ATP13A5: variants seen among roughly 807,000 people sequenced by gnomAD.
ATP13A5 encodes probable cation-transporting ATPase 13A5.
In ATP13A5, 149 loss-of-function variants were observed where a neutral mutation model predicts 150.2. The ratio of observed to expected loss-of-function variants is 0.99; its 90% CI spans 0.87 to 1.14. The LOEUF is 1.14. Among genes scored for constraint, ATP13A5 ranks in the 50% most tolerant of loss-of-function variants. ATP13A5 has a pLI of 0.00. For synonymous variants in ATP13A5, 497 were observed against 522.2 expected, an observed-to-expected ratio of 0.95 and a Z score of 0.66; for missense variants, 1,383 against 1,449.3, an observed-to-expected ratio of 0.95 and a Z score of 0.74.
intron 24 of ATP13A5, 94 bp from the exon 25 acceptor site, chr3:193,299,297 C>T: frequency 1.1e-6 from 1 of 928,626 alleles, no homozygotes; most frequent in Non-Finnish European, 1.6e-6. Context: ...TAGGAGGCAG[C>T]TGTTACTTTT....
intron 23 of ATP13A5, among the ~76,000 whole-genome samples, chr3:193,303,877 CAT>C (rs1170266209): frequency 6.6e-6 from 1 of 150,848 alleles, no homozygotes; most frequent in Non-Finnish European, 1.5e-5. Flanking sequence ...ATATATGTAA[CAT>C]GTTACACATA....
At position 193,362,380 on chromosome 3, in the gene ATP13A5, C is replaced by T. The variant is rs914983883; in HGVS notation, c.536+1G>A. 6.2e-7 allele frequency: 1 copy of T among 1,613,566 alleles called. No homozygotes were observed. The highest frequency in any genetic ancestry group is 8.5e-7 in the Non-Finnish European group (1 of 1,179,558). On this transcript the variant is annotated splice_donor_variant, in intron 5 of 29. Coordinates refer to ENST00000342358, the MANE Select transcript of ATP13A5 (RefSeq NM_198505.4). LOFTEE classifies it high-confidence loss of function. ...CTCTTAAGGCATATAATAAGTCCTA[C>T]CTGACCTCTTGCTCTTCACTGGTCA...
Position 193,364,103 on chromosome 3 carries a change from G to A in ATP13A5, c.237+4C>T, listed in dbSNP as rs1284968525. On this transcript the variant is annotated splice_donor_region_variant and intron_variant, in intron 2 of 29. Transcript: ENST00000342358. The stretch of plus-strand genomic sequence containing the variant: ...TTCAAAATAGAAAACAGAAAGGCAC[G>A]CACTGTTGTCCTCAGCAAAACAGTG... 15 of 1,613,534 alleles carry A rather than the reference G, an allele frequency of 9.3e-6. No individual in the cohort carries two copies. Among genetic ancestry groups the A allele is most frequent in the Middle Eastern group, 1.6e-4 (1 of 6,074 alleles).
intron 9 of ATP13A5, among the ~76,000 whole-genome samples, chr3:193,343,109 C>T (rs920226995): frequency 6.6e-6 from 1 of 152,018 alleles, no homozygotes; most frequent in African/African-American, 2.4e-5. Flanking sequence ...ATGAACTCTC[C>T]CTACATTTAG....
chr3:193,290,255 T>C (rs187171313), intron 25 of ATP13A5, among the ~76,000 whole-genome samples, 196 bp from the exon 26 acceptor site: 58 of 152,254 alleles, frequency 3.8e-4, no homozygotes, highest in African/African-American at 1.2e-3. Context: ...CCATGCTCTG[T>C]CTTCACCTTC....
intron 20 of ATP13A5, among the ~76,000 whole-genome samples, chr3:193,311,354 C>T (rs929676974): frequency 1.3e-5 from 2 of 152,182 alleles, no homozygotes; most frequent in African/African-American, 4.8e-5. Flanking sequence ...TATTTTAAAA[C>T]AGGACACACA....
rs183697622 is a variant in ATP13A5, at chr3:193,338,780, T to C, written c.944-3681A>G. On this transcript the variant is annotated intron_variant, in intron 9 of 29. Transcript: ENST00000342358. ...AGTTAGGGAGGATTCCCTCTTTTTC[T>C]AGTGATTGGAATTGTTTCAGAAGGA... Among the ~76,000 whole-genome samples, 1,154 of 152,310 alleles carry C rather than the reference T, an allele frequency of 7.6e-3. 13 individuals are homozygous for C. Among genetic ancestry groups the C allele is most frequent in the African/African-American group, 0.026 (1,083 of 41,554 alleles).
chr3:193,307,375 G>A lies in ATP13A5; in HGVS notation c.2526-6C>T, dbSNP rs1192483789. On this transcript the variant is annotated splice_region_variant and splice_polypyrimidine_tract_variant and intron_variant, in intron 21 of 29. Transcript: ENST00000342358. ...CACACATGCCCACATAATAACTGCGGGAGACAGGAGAAGAAGGATTAATAG... is the reference window on the plus strand; with the variant it reads ...CACACATGCCCACATAATAACTGCGAGAGACAGGAGAAGAAGGATTAATAG... 1.9e-6 allele frequency: 3 copies of A among 1,613,622 alleles called. No homozygotes were observed. The Admixed American group carries it at 5.0e-5, about 27-fold the overall frequency.
chr3:193,327,857 A>G (rs1461702226), intron 12 of ATP13A5, among the ~76,000 whole-genome samples: 1 of 152,230 alleles, frequency 6.6e-6, no homozygotes, highest in Non-Finnish European at 1.5e-5. Flanking sequence ...GGCTACAGCT[A>G]GCTGCTTCAG....
chr3:193,347,292 A>G (rs1712376993), intron 7 of ATP13A5, among the ~76,000 whole-genome samples: 1 of 151,758 alleles, frequency 6.6e-6, no homozygotes, highest in Non-Finnish European at 1.5e-5. Flanking sequence ...TAATTTTTTT[A>G]ATTCTCAAAA....
intron 5 of ATP13A5, among the ~76,000 whole-genome samples, chr3:193,357,756 C>G (rs1268147548): frequency 6.6e-6 from 1 of 152,174 alleles, no homozygotes; most frequent in African/African-American, 2.4e-5. Context: ...GATGGTCCCT[C>G]TCCAGAAGTT....
intron 21 of ATP13A5, 25 bp from the exon 22 acceptor site, chr3:193,307,394 T>C: frequency 1.9e-6 from 3 of 1,612,920 alleles, no homozygotes; most frequent in Non-Finnish European, 1.7e-6. Flanking sequence ...AGAAGAAGGA[T>C]TAATAGGTAA....
At position 193,275,147 on chromosome 3, in the gene ATP13A5, A is replaced by AT. The variant is rs755360798; in HGVS notation, c.3551dup (p.Asn1184LysfsTer10). ...CATAGCCTCCGTTGATGTAGAATCC[A>AT]TTTTTGCCATCACCTGAATAATCTG... On this transcript the variant is annotated frameshift_variant, in exon 30 of 30. Transcript: ENST00000342358. LOFTEE classifies it low-confidence loss of function (END_TRUNC). The AT allele has an allele frequency of 6.2e-7, 1 of 1,614,118 alleles. No individual in the cohort carries two copies. Among genetic ancestry groups the AT allele is most frequent in the Non-Finnish European group, 8.5e-7 (1 of 1,180,016 alleles).
intron 24 of ATP13A5, among the ~76,000 whole-genome samples, chr3:193,299,823 ATATCTCTTG>A (rs1718332704): frequency 6.6e-6 from 1 of 152,188 alleles, no homozygotes; most frequent in African/African-American, 2.4e-5. Context: ...TTGCCTTGCA[ATATCTCTTG>A]CAGCCAGGTC....
rs948039157 is a variant in ATP13A5 at position 193,315,175 on chromosome 3, T to C, written c.2034-79A>G. 7 of 1,405,262 alleles carry C rather than the reference T, an allele frequency of 5.0e-6. 1 individual carries two copies. The Admixed American group carries it at 1.6e-4, about 31-fold the overall frequency. 87.0% of individuals were successfully genotyped at this position (1,405,262 alleles called of 1,614,324 possible). A position where few individuals can be genotyped will look rare whatever the true frequency, so the allele number is the denominator to read the frequency against. ...TTCAATTTATTTCTTCTTTTAAAAA[T>C]TTATAAGTTTTATTAATGCAATACA... On this transcript the variant is annotated intron_variant, in intron 17 of 29. Transcript: ENST00000342358.
intron 12 of ATP13A5, among the ~76,000 whole-genome samples, chr3:193,330,885 AATT>A (rs1206267295): frequency 1.3e-5 from 2 of 152,194 alleles, no homozygotes; most frequent in Non-Finnish European, 2.9e-5. Context: ...CAGGCACACA[AATT>A]ATTAAGTTTC....
At chr3:193,354,940 C>CTTTTTTTTTTTTTTTTT (rs545467259) in intron 5 of ATP13A5, among the ~76,000 whole-genome samples, 5 of 127,972 alleles carry the variant, frequency 3.9e-5, no homozygotes, top group African/African-American at 1.5e-4. Flanking sequence ...AACAATGTAA[C>CTTTTTTTTTTTTTTTTT]TTTTTTTTTG....
Position 193,362,643 on chromosome 3 carries a change from A to G in ATP13A5, c.385-6T>C, listed in dbSNP as rs1440130634. On this transcript the variant is annotated splice_polypyrimidine_tract_variant and splice_region_variant and intron_variant, in intron 3 of 29. Transcript: ENST00000342358. ...TGCACTTCCATGCACCGCAGCTACG[A>G]TTGCAAATGTGATAGAGCAGGTGTC... The G allele has an allele frequency of 1.9e-6, 3 of 1,613,880 alleles. No individual in the cohort carries two copies. Among genetic ancestry groups the G allele is most frequent in the Non-Finnish European group, 1.7e-6 (2 of 1,179,860 alleles).
rs1453404190 is a variant in ATP13A5, at chr3:193,321,853, C to G, written c.1759-16G>C. On this transcript the variant is annotated splice_polypyrimidine_tract_variant and intron_variant, in intron 15 of 29. Transcript: ENST00000342358. ...CCACTGGACTCTGCAAGCCCATCAA[C>G]AACAGGGAGCTTAACAAGCTGCTAA... The G allele has an allele frequency of 6.2e-7, 1 of 1,610,458 alleles. No homozygotes were observed. Among genetic ancestry groups the G allele is most frequent in the Admixed American group, 1.7e-5 (1 of 59,580 alleles).
Sources: allele counts gnomAD v4.1 joint callset (sites outside exome capture counted in the v4.1 genomes callset), GRCh38; gene constraint gnomAD v4.1.1; transcripts MANE v1.5; gene names NCBI Gene and HGNC (gene_info 2026-07-23, HGNC 2026-07-21).